Variants in SOX5 observed in about 807,000 individuals in gnomAD.
SOX5 encodes the protein SRY-box transcription factor 5.
Under a neutral mutation model 92.0 loss-of-function variants are expected in SOX5, and 9 were observed. That is an observed-to-expected ratio of 0.10 (90% CI 0.06 to 0.17). SOX5 has a LOEUF of 0.17. SOX5 is among the 10% of genes least tolerant of loss of function. SOX5 has a pLI of 1.00. For missense variants in SOX5, 642 were observed against 944.5 expected, an observed-to-expected ratio of 0.68 and a Z score of 4.20; for synonymous variants, 344 against 336.3, an observed-to-expected ratio of 1.02 and a Z score of -0.25.
intron 1 of SOX5, among the ~76,000 whole-genome samples, chr12:24,438,453 A>G (rs1939885647): frequency 6.6e-6 from 1 of 152,232 alleles, no homozygotes; most frequent in South Asian, 2.1e-4. Flanking sequence ...ACATATATAT[A>G]TATTTTGTAA....
chr12:23,988,588 C>A (rs762024514), intron 4 of SOX5, among the ~76,000 whole-genome samples: 1 of 152,132 alleles, frequency 6.6e-6, no homozygotes, highest in South Asian at 2.1e-4. Context: ...CATAAATAAG[C>A]AAGCACTAAT....
intron 1 of SOX5, among the ~76,000 whole-genome samples, chr12:24,466,949 T>C (rs1345773909): frequency 6.6e-6 from 1 of 152,126 alleles, no homozygotes; most frequent in East Asian, 1.9e-4. Context: ...ACCAAAACAA[T>C]TCAGTCCATT....
chr12:24,100,766 G>T (rs1404412479), intron 4 of SOX5, among the ~76,000 whole-genome samples: 1 of 152,074 alleles, frequency 6.6e-6, no homozygotes, highest in African/African-American at 2.4e-5. Flanking sequence ...CAGAACTCTT[G>T]ATTTTCTCAA....
intron 4 of SOX5, among the ~76,000 whole-genome samples, chr12:24,185,485 G>C (rs1955922575): frequency 6.6e-6 from 1 of 152,064 alleles, no homozygotes; most frequent in East Asian, 1.9e-4. Context: ...TATTTATTTA[G>C]TATATTTCTC....
intron 2 of SOX5, chr12:24,368,442 G>A (rs1956381766): frequency 6.6e-6 from 1 of 152,092 alleles, no homozygotes. Flanking sequence ...TTCGGTAAAA[G>A]GAAAAATTGT....
chr12:23,737,145 G>C (rs2093630553), intron 5 of SOX5, among the ~76,000 whole-genome samples: 1 of 152,068 alleles, frequency 6.6e-6, no homozygotes, highest in Admixed American at 6.6e-5. Context: ...TTCAGAACCT[G>C]ACCACTTCAA....
intron 1 of SOX5, among the ~76,000 whole-genome samples, chr12:24,522,772 A>C (rs1004732114): frequency 5.9e-5 from 9 of 152,192 alleles, no homozygotes; most frequent in Admixed American, 3.3e-4. Flanking sequence ...GTATCTCAAC[A>C]GTAAAAGCCA....
chr12:23,619,953 A>C (rs888940074), intron 8 of SOX5, among the ~76,000 whole-genome samples: 1 of 152,186 alleles, frequency 6.6e-6, no homozygotes, highest in Admixed American at 6.6e-5. Context: ...GAGCTTACAT[A>C]GAACAAGAAA....
intron 6 of SOX5, among the ~76,000 whole-genome samples, chr12:23,707,077 G>A (rs1484986171): frequency 1.3e-5 from 2 of 152,076 alleles, no homozygotes; most frequent in East Asian, 1.9e-4. Flanking sequence ...TCCTATTAGT[G>A]CAGTTATGAA....
intron 2 of SOX5, among the ~76,000 whole-genome samples, chr12:24,353,620 A>T (rs190001609): frequency 3.3e-5 from 5 of 152,084 alleles, no homozygotes; most frequent in African/African-American, 1.2e-4. Context: ...TTCCTGCATA[A>T]GGGAGCAGTT....
chr12:24,062,103 T>C (rs1180605969), intron 4 of SOX5, among the ~76,000 whole-genome samples: 1 of 152,172 alleles, frequency 6.6e-6, no homozygotes, highest in Non-Finnish European at 1.5e-5. Context: ...TGTAGGCTCA[T>C]AGGCTTAAGA....
chr12:23,876,174 T>C (rs1440910920), intron 2 of SOX5, among the ~76,000 whole-genome samples: 2 of 152,140 alleles, frequency 1.3e-5, no homozygotes, highest in East Asian at 3.8e-4. Flanking sequence ...AACTTTCTCA[T>C]CACAGTGAAC....
intron 1 of SOX5, among the ~76,000 whole-genome samples, chr12:23,909,902 G>A (rs1455387705): frequency 6.6e-6 from 1 of 151,564 alleles, no homozygotes; most frequent in East Asian, 1.9e-4. Context: ...GTGTTCCAAA[G>A]GGGACCAAAT....
At chr12:23,999,028 C>T (rs1191804554) in intron 4 of SOX5, among the ~76,000 whole-genome samples, 4 of 151,496 alleles carry the variant, frequency 2.6e-5, no homozygotes, top group Non-Finnish European at 4.4e-5. Flanking sequence ...GAAAATAACT[C>T]AAATAAAACA....
At chr12:23,939,663 CTG>C (rs1203187635) in intron 1 of SOX5, among the ~76,000 whole-genome samples, 2 of 150,846 alleles carry the variant, frequency 1.3e-5, no homozygotes, top group African/African-American at 2.4e-5. Flanking sequence ...TATAACTACA[CTG>C]TTTTTCCAAC....
intron 10 of SOX5, among the ~76,000 whole-genome samples, chr12:23,570,616 A>C (rs1309273292): frequency 6.6e-6 from 1 of 151,698 alleles, no homozygotes; most frequent in East Asian, 2.0e-4. Context: ...ATCTCTAAAA[A>C]AATACAAAAA....
intron 4 of SOX5, among the ~76,000 whole-genome samples, chr12:23,984,897 T>G (rs998494833): frequency 6.6e-6 from 1 of 152,196 alleles, no homozygotes; most frequent in East Asian, 1.9e-4. Flanking sequence ...TTTGTAAATA[T>G]ATGATTTTAA....
intron 2 of SOX5, among the ~76,000 whole-genome samples, chr12:23,862,251 G>A (rs1389143429): frequency 2.0e-5 from 3 of 152,146 alleles, no homozygotes; most frequent in Non-Finnish European, 4.4e-5. Flanking sequence ...GTCAGTGGAA[G>A]GGAAAAGCTG....
At chr12:24,195,152 C>A (rs1382982975) in intron 4 of SOX5, among the ~76,000 whole-genome samples, 17 of 137,872 alleles carry the variant, frequency 1.2e-4, no homozygotes, top group African/African-American at 4.1e-4. Flanking sequence ...AAAAAAAAAA[C>A]ACGAGAAAAA....
Sources: allele counts gnomAD v4.1 joint callset (sites outside exome capture counted in the v4.1 genomes callset), GRCh38; gene constraint gnomAD v4.1.1; transcripts MANE v1.5; gene names NCBI Gene and HGNC (gene_info 2026-07-23, HGNC 2026-07-21).